The following RELL1 variants were observed in gnomAD, a reference collection of about 807,000 sequenced individuals.
The protein encoded by RELL1 is RELT like 1.
RELL1 carries 10 observed loss-of-function variants against 23.0 expected under a neutral mutation model. The ratio of observed to expected loss-of-function variants is 0.43; its 90% confidence interval spans 0.27 to 0.74. The LOEUF (loss-of-function observed/expected upper bound fraction) is 0.74, where lower values mean the gene tolerates loss of function less well. Among genes scored for constraint, RELL1 ranks in the 30% least tolerant of loss-of-function variants. RELL1 has a pLI of 0.19. For synonymous variants in RELL1, 146 were observed against 146.8 expected (o/e 0.99, Z 0.04); for missense variants, 315 against 364.4 (o/e 0.86, Z 1.10).
In RELL1 at chr4:37,631,405, G is replaced by A. The variant is rs200027576; in HGVS notation, c.799C>T (p.Arg267Cys). The change falls in exon 6 of 7, where the codon CGC (arginine) becomes TGC (cysteine). Residue 267 changes from arginine (R) to cysteine (C), a missense_variant. By Grantham distance (180) the Arg-to-Cys change is radical. Transcript: ENST00000454158. ...CTCACCTGCTACTCTGTGCCACTGC[G>A]TTCTCTCTTCACAGGTGTTGCCGGC... ...EVPATPVKRERSGTE is the reference protein window; with the variant it reads ...EVPATPVKRECSGTE 645 of 1,613,886 alleles carry A rather than the reference G, an allele frequency of 4.0e-4. 1 individual carries two copies. Among genetic ancestry groups the A allele is most frequent in the South Asian group, 3.2e-3 (288 of 91,012 alleles).
chr4:37,640,283 C>T (rs1052908117), intron 3 of RELL1, among the ~76,000 whole-genome samples: 1 of 152,180 alleles, frequency 6.6e-6, no homozygotes, highest in South Asian at 2.1e-4. Flanking sequence ...ATAAGACCTC[C>T]TGTCATTACA....
rs71189087 is a variant in RELL1, at chr4:37,600,780, C to CGT, written c.*4-9565_*4-9564dup. On this transcript the variant is annotated intron_variant, in intron 6 of 6. Transcript: ENST00000314117. ...GGGTTTTATTTAGTATGGATTTGTG[C>CGT]GTGTGTGTGTGTGTGTGTGTGTGTG... Among the ~76,000 whole-genome samples the CGT allele has an allele frequency of 4.0e-3, 590 of 147,666 alleles. 5 individuals carry two copies. The highest frequency in any genetic ancestry group is 0.019 in the South Asian group (89 of 4,638).
intron 1 of RELL1, among the ~76,000 whole-genome samples, chr4:37,650,898 A>C (rs948262719): frequency 6.6e-6 from 1 of 151,758 alleles, no homozygotes; most frequent in South Asian, 2.1e-4. Context: ...GTCTCCACTA[A>C]AAATACAAAA....
chr4:37,626,028 T>G (rs1302417668), intron 6 of RELL1, among the ~76,000 whole-genome samples: 1 of 151,856 alleles, frequency 6.6e-6, no homozygotes, highest in Non-Finnish European at 1.5e-5. Flanking sequence ...AAATATAAAT[T>G]AAAACTATAA....
At chr4:37,650,106 C>T (rs6836725) in intron 1 of RELL1, among the ~76,000 whole-genome samples, 1 of 152,184 alleles carries the variant, frequency 6.6e-6, no homozygotes, top group Admixed American at 6.5e-5. Flanking sequence ...TGTAAACTAG[C>T]AAGCAACATA....
intron 6 of RELL1, among the ~76,000 whole-genome samples, chr4:37,617,098 T>C (rs1719601579): frequency 6.6e-6 from 1 of 152,230 alleles, no homozygotes; most frequent in South Asian, 2.1e-4. Flanking sequence ...TCTAGGCTAA[T>C]CCATGCAATC....
chr4:37,666,691 GC>G (rs1178455592), intron 1 of RELL1, among the ~76,000 whole-genome samples: 1 of 152,146 alleles, frequency 6.6e-6, no homozygotes, highest in Non-Finnish European at 1.5e-5. Flanking sequence ...GAAAAGATAA[GC>G]CCTGGGGGTG....
chr4:37,591,620 G>C (rs533148835), intron 6 of RELL1: 2 of 152,322 alleles, frequency 1.3e-5, no homozygotes, highest in African/African-American at 4.8e-5. Flanking sequence ...CATTAGCTGA[G>C]ATGTTGATTT....
intron 6 of RELL1, chr4:37,591,301 C>T (rs1718597785): frequency 3.6e-6 from 1 of 278,368 alleles, no homozygotes; most frequent in Admixed American, 4.8e-5. Context: ...AACCCTCAAA[C>T]ATCTTTGAGC....
At position 37,612,275 on chromosome 4, in the gene RELL1, T is replaced by C. The variant is rs116528734; in HGVS notation, c.*1071A>G. On this transcript the variant is annotated 3_prime_UTR_variant, in exon 7 of 7. Transcript: ENST00000454158. ...TTGTGTGTGTGTGACTTTCAACCATTTTCTCCTTTATTCAATGGATTAACC... is the reference window on the plus strand; with the variant it reads ...TTGTGTGTGTGTGACTTTCAACCATCTTCTCCTTTATTCAATGGATTAACC... Among the ~76,000 whole-genome samples the C allele has an allele frequency of 2.0e-5, 3 of 150,136 alleles. No homozygotes were observed. Among genetic ancestry groups the C allele is most frequent in the African/African-American group, 7.4e-5 (3 of 40,780 alleles).
At chr4:37,647,290 A>G (rs975006102) in intron 3 of RELL1, 78 bp downstream of exon 3, 5 of 952,064 alleles carry the variant, frequency 5.3e-6, no homozygotes, top group Non-Finnish European at 8.5e-6. Flanking sequence ...GAGTCTATAT[A>G]AATCTTGACT....
At chr4:37,640,290 T>C (rs760660125) in intron 3 of RELL1, among the ~76,000 whole-genome samples, 3 of 152,222 alleles carry the variant, frequency 2.0e-5, no homozygotes, top group Non-Finnish European at 4.4e-5. Context: ...CTCCTGTCAT[T>C]ACAAAAACAT....
chr4:37,590,756 C>T, downstream of RELL1: 1 of 1,614,118 alleles, frequency 6.2e-7, no homozygotes, highest in Non-Finnish European at 8.5e-7. Flanking sequence ...ACGCCCTTCT[C>T]TGTGAGGAGA....
intron 4 of RELL1, 121 bp downstream of exon 4, chr4:37,638,326 A>G (rs1213594514): frequency 2.6e-6 from 2 of 767,008 alleles, no homozygotes; most frequent in Admixed American, 2.3e-5. Context: ...ACCTGGTCCC[A>G]AAATAACTAT....
intron 4 of RELL1, among the ~76,000 whole-genome samples, chr4:37,636,500 C>G (rs925680781): frequency 6.7e-6 from 1 of 149,862 alleles, no homozygotes; most frequent in African/African-American, 2.5e-5. Flanking sequence ...GAGGCTGAGG[C>G]AGGAGAATGG....
chr4:37,627,301 C>A (rs905703361), intron 6 of RELL1, among the ~76,000 whole-genome samples: 3 of 152,110 alleles, frequency 2.0e-5, no homozygotes, highest in Non-Finnish European at 2.9e-5. Flanking sequence ...ATGCTTAGGA[C>A]AGGATCATTT....
At chr4:37,631,671 A>G in intron 5 of RELL1, 148 bp from the exon 6 acceptor site, 1 of 835,186 alleles carries the variant, frequency 1.2e-6, no homozygotes, top group East Asian at 2.7e-5. Context: ...TCGAACATGC[A>G]TTCCTATCCA....
downstream of RELL1, among the ~76,000 whole-genome samples, chr4:37,587,630 G>A (rs573740044): frequency 6.6e-6 from 1 of 152,304 alleles, no homozygotes; most frequent in Admixed American, 6.5e-5. Flanking sequence ...GTGCTTCATG[G>A]AGACAGGGAG....
chr4:37,606,691 T>G (rs1342878634), downstream of RELL1, among the ~76,000 whole-genome samples: 1 of 152,192 alleles, frequency 6.6e-6, no homozygotes, highest in Admixed American at 6.5e-5. This position sits in a 1 kb window ranked among gnomAD's most constrained non-coding sequence, Gnocchi z 4.1. Flanking sequence ...ACACCTTGAC[T>G]TCAGGGTCTG....
Sources: allele counts gnomAD v4.1 joint callset (sites outside exome capture counted in the v4.1 genomes callset), GRCh38; gene constraint gnomAD v4.1.1; non-coding constraint Gnocchi (gnomAD v3.1); transcripts MANE v1.5; gene names NCBI Gene and HGNC (gene_info 2026-07-23, HGNC 2026-07-21).